The following UNC13C variants were observed in gnomAD, a reference collection of about 807,000 sequenced individuals.
The protein encoded by UNC13C is protein unc-13 homolog C.
Under a neutral mutation model 245.4 loss-of-function variants are expected in UNC13C, and 174 were observed. That is an observed-to-expected ratio of 0.71 (90% CI 0.63 to 0.80). The LOEUF (loss-of-function observed/expected upper bound fraction) is 0.80, where lower values mean the gene tolerates loss of function less well. UNC13C is among the 30% of genes least tolerant of loss of function. The pLI is 0.00. For missense variants in UNC13C, 2,829 were observed against 2,602.9 expected (o/e 1.09, Z -1.89); for synonymous variants, 992 against 895.1 (o/e 1.11, Z -1.93).
At chr15:54,119,493 G>C (rs1897077) in intron 2 of UNC13C, among the ~76,000 whole-genome samples, 148,599 of 152,248 alleles carry the variant, frequency 0.98, 72,628 homozygotes, top group Middle Eastern at 1. Context: ...TAGGCCATTA[G>C]TTCTCTTTCT....
intron 4 of UNC13C, among the ~76,000 whole-genome samples, chr15:54,192,174 A>G (rs2034207886): frequency 3.3e-5 from 5 of 152,096 alleles, no homozygotes; most frequent in Admixed American, 3.3e-4. Context: ...TTAGTTTTTG[A>G]GTGCAAGATA....
chr15:54,602,254 G>C (rs1899479458), intron 30 of UNC13C, among the ~76,000 whole-genome samples: 1 of 152,304 alleles, frequency 6.6e-6, no homozygotes, highest in Non-Finnish European at 1.5e-5. Flanking sequence ...AATTACCCTA[G>C]TAGCTTGTTT....
At position 54,537,485 on chromosome 15, in the gene UNC13C, T is replaced by G. The variant is rs555250379; in HGVS notation, c.5696+4419T>G. ...TTCACAGAATTAGAAAAAAAAAATT[T>G]CAAAATTCATTTAGAACCAAAAAAG... On this transcript the variant is annotated intron_variant, in intron 26 of 32. Transcript: ENST00000260323. 3.3e-5 allele frequency among the ~76,000 whole-genome samples: 5 copies of G among 152,046 alleles called. No homozygotes were observed. In the South Asian group the frequency reaches 1.0e-3, roughly 32 times the overall value.
chr15:54,176,654 A>G (rs1021259254), intron 4 of UNC13C, among the ~76,000 whole-genome samples: 2 of 152,164 alleles, frequency 1.3e-5, no homozygotes, highest in African/African-American at 4.8e-5. Context: ...AATTGAGCCA[A>G]TAGACTCAAT....
At chr15:54,608,367 G>T (rs897872062) in intron 30 of UNC13C, among the ~76,000 whole-genome samples, 1 of 152,152 alleles carries the variant, frequency 6.6e-6, no homozygotes, top group Non-Finnish European at 1.5e-5. Context: ...AATAAAACAT[G>T]AATCTCAGGA....
At chr15:54,021,762 C>A (rs887325253) in intron 2 of UNC13C, among the ~76,000 whole-genome samples, 3 of 152,198 alleles carry the variant, frequency 2.0e-5, no homozygotes, top group Non-Finnish European at 4.4e-5. Context: ...AGTCTGTATA[C>A]ATGATGGTGG....
chr15:54,230,583 AT>A (rs2035523392), intron 4 of UNC13C, among the ~76,000 whole-genome samples: 1 of 152,080 alleles, frequency 6.6e-6, no homozygotes, highest in South Asian at 2.1e-4. Flanking sequence ...CATTTATTTT[AT>A]AACAAGACAA....
At chr15:53,879,096 T>A in the UNC13C span, among the ~76,000 whole-genome samples, 1 of 152,154 alleles carries the variant, frequency 6.6e-6, no homozygotes, top group African/African-American at 2.4e-5. Context: ...AAAAAATTAC[T>A]TTTTTTAGCA....
intron 2 of UNC13C, among the ~76,000 whole-genome samples, chr15:54,041,440 C>G (rs1014457446): frequency 3.3e-5 from 5 of 152,028 alleles, no homozygotes; most frequent in Non-Finnish European, 5.9e-5. Context: ...ATATTAAAGA[C>G]TAAAAATGAC....
chr15:54,326,900 G>T (rs2038312640), intron 14 of UNC13C, among the ~76,000 whole-genome samples: 1 of 152,018 alleles, frequency 6.6e-6, no homozygotes, highest in Non-Finnish European at 1.5e-5. Context: ...AGCCATCCTT[G>T]AAATTGGACA....
chr15:54,431,603 A>T (rs1397283650), intron 19 of UNC13C, among the ~76,000 whole-genome samples: 4 of 151,852 alleles, frequency 2.6e-5, no homozygotes, highest in Admixed American at 2.6e-4. Context: ...GCTGCAGTCT[A>T]TGTAATATGA....
chr15:53,985,327 T>G (rs978765603), intron 1 of UNC13C, among the ~76,000 whole-genome samples: 1 of 151,290 alleles, frequency 6.6e-6, no homozygotes, highest in African/African-American at 2.4e-5. Context: ...TGTGCCACAT[T>G]TTCTTTTTTT....
At chr15:54,219,179 C>T (rs563698423) in intron 4 of UNC13C, among the ~76,000 whole-genome samples, 7,549 of 151,122 alleles carry the variant, frequency 0.05, 576 homozygotes, top group African/African-American at 0.17. Flanking sequence ...GGAGGCATCA[C>T]GCTACCTGAC....
intron 19 of UNC13C, among the ~76,000 whole-genome samples, chr15:54,443,458 C>T (rs1234496805): frequency 7.0e-6 from 1 of 143,810 alleles, no homozygotes; most frequent in Admixed American, 6.9e-5. Context: ...GATTTGGTTT[C>T]TTCTTGCTTT....
chr15:54,413,465 C>A (rs930051565), intron 18 of UNC13C, among the ~76,000 whole-genome samples: 1 of 151,934 alleles, frequency 6.6e-6, no homozygotes, highest in Non-Finnish European at 1.5e-5. Flanking sequence ...TCAAATGAAA[C>A]CTTTTGAAAT....
rs57209912 is a variant in UNC13C, at chr15:54,086,737, C to CTTTTTTTTTTTTTTTT, written c.2984-56278_2984-56263dup. On this transcript the variant is annotated intron_variant, in intron 2 of 32. Transcript: ENST00000260323. ...GTACTATGTGTTGCTTATTTTCTTT[C>CTTTTTTTTTTTTTTTT]TTTTTTTTTTTTTTTTTTGAGATGG... Among the ~76,000 whole-genome samples, 892 of 92,010 alleles carry CTTTTTTTTTTTTTTTT rather than the reference C, an allele frequency of 9.7e-3. 100 individuals carry two copies. Among genetic ancestry groups the CTTTTTTTTTTTTTTTT allele is most frequent in the Non-Finnish European group, 0.013 (615 of 47,050 alleles). 60.4% of individuals were successfully genotyped at this position (92,010 alleles called of 152,430 possible).
chr15:53,896,074 A>G, the UNC13C span, among the ~76,000 whole-genome samples: 6 of 140,012 alleles, frequency 4.3e-5, no homozygotes, highest in Non-Finnish European at 7.7e-5. Flanking sequence ...GCTAATGTCC[A>G]TTAGTGACCA....
the UNC13C span, among the ~76,000 whole-genome samples, chr15:53,967,548 C>T: frequency 6.6e-6 from 1 of 152,024 alleles, no homozygotes; most frequent in Non-Finnish European, 1.5e-5. Context: ...TCCCCACTTG[C>T]TTATATTTTG....
chr15:54,015,050 A>G lies in UNC13C; in HGVS notation c.2147A>G (p.Gln716Arg). ...GACTCAGAGAGCTACGACTTAACTC[A>G]AGATGACAATTCTTCTCCATGCCCT... ...QDDSESYDLT[Q>R]DDNSSPCPGL... The change falls in exon 2 of 33, where the codon CAA becomes CGA. Residue 716 changes from glutamine (Q) to arginine (R), a missense_variant. Transcript: ENST00000260323. 6.2e-7 allele frequency: 1 copy of G among 1,613,124 alleles called. No individual in the cohort carries two copies. The highest frequency in any genetic ancestry group is 8.5e-7 in the Non-Finnish European group (1 of 1,179,558).
Sources: allele counts gnomAD v4.1 joint callset (sites outside exome capture counted in the v4.1 genomes callset), GRCh38; gene constraint gnomAD v4.1.1; transcripts MANE v1.5; gene names NCBI Gene and HGNC (gene_info 2026-07-23, HGNC 2026-07-21).